The following CCDC158 variants were observed in gnomAD, a reference collection of about 807,000 sequenced individuals.
The protein encoded by CCDC158 is coiled-coil domain containing 158.
Under a neutral mutation model 138.6 loss-of-function variants are expected in CCDC158, and 116 were observed. That is an observed-to-expected ratio of 0.84 (90% CI 0.72 to 0.98). CCDC158 has a LOEUF of 0.98. Ranked by LOEUF, CCDC158 falls within the 50% of genes least tolerant of loss-of-function variation. CCDC158 has a pLI of 0.00. For synonymous variants in CCDC158, 436 were observed against 442.4 expected (o/e 0.99, Z 0.18); for missense variants, 1,265 against 1,306.1 (o/e 0.97, Z 0.48).
intron 9 of CCDC158, among the ~76,000 whole-genome samples, chr4:76,374,811 A>G (rs1725568417): frequency 6.6e-6 from 1 of 152,170 alleles, no homozygotes. Flanking sequence ...TCACTTAAAA[A>G]AAAAAAACTT....
chr4:76,421,452 C>T (rs569255374), upstream of CCDC158, among the ~76,000 whole-genome samples: 54 of 152,212 alleles, frequency 3.5e-4, 1 homozygote, highest in African/African-American at 1.2e-3. Flanking sequence ...GGACCTGCAC[C>T]CGGCGCCCTC....
At chr4:76,345,635 A>AAGC (rs1192806663) in intron 18 of CCDC158, 11 of 813,334 alleles carry the variant, frequency 1.4e-5, no homozygotes, top group African/African-American at 1.2e-4. Context: ...AAAGAAAGCC[A>AAGC]AGCATCACTT....
intron 8 of CCDC158, among the ~76,000 whole-genome samples, chr4:76,381,147 C>G (rs1188801087): frequency 6.6e-6 from 1 of 152,186 alleles, no homozygotes; most frequent in Admixed American, 6.5e-5. Context: ...GGGGTTGGAA[C>G]CCCCACACAG....
At chr4:76,339,538 T>C (rs117934873) in intron 18 of CCDC158, among the ~76,000 whole-genome samples, 1 of 152,388 alleles carries the variant, frequency 6.6e-6, no homozygotes, top group East Asian at 1.9e-4. Context: ...TTGTGCTGTG[T>C]ATTTTTCAGG....
intron 9 of CCDC158, among the ~76,000 whole-genome samples, chr4:76,372,711 A>T (rs1725355550): frequency 6.6e-6 from 1 of 152,240 alleles, no homozygotes; most frequent in Non-Finnish European, 1.5e-5. Flanking sequence ...TTCAACTATT[A>T]ATATAAAATG....
intron 3 of CCDC158, among the ~76,000 whole-genome samples, chr4:76,398,692 T>C (rs10011619): frequency 1.4e-5 from 2 of 142,236 alleles, no homozygotes; most frequent in Admixed American, 1.4e-4. Context: ...AAAGTATACA[T>C]AACTTATGTA....
In CCDC158 at chr4:76,353,044, G is replaced by C. The variant is rs952423608; in HGVS notation, c.2445+79C>G. ...GATACATTCAGTTCCTGTCTACATA[G>C]AGCTTTTGTTCAGAACAATTCTATT... On this transcript the variant is annotated intron_variant, in intron 16 of 24. Coordinates refer to ENST00000682701, the MANE Select transcript of CCDC158 (RefSeq NM_001394954.1). The C allele has an allele frequency of 2.1e-5, 25 of 1,198,072 alleles. No homozygotes were observed. The African/African-American group carries it at 3.7e-4, about 18-fold the overall frequency. The allele number at this position is 1,198,072 out of a possible 1,614,324, so 74.2% of individuals were successfully genotyped here.
At chr4:76,419,156 T>C (rs746119978) in intron 1 of CCDC158, among the ~76,000 whole-genome samples, 4 of 152,178 alleles carry the variant, frequency 2.6e-5, no homozygotes, top group Non-Finnish European at 4.4e-5. Flanking sequence ...TTAATAGGAA[T>C]ACTCTTAAAA....
chr4:76,382,082 C>A (rs577919497), intron 8 of CCDC158, among the ~76,000 whole-genome samples: 2 of 152,338 alleles, frequency 1.3e-5, no homozygotes, highest in African/African-American at 4.8e-5. Context: ...TGGGAGGTAA[C>A]TGGATCATGG....
intron 9 of CCDC158, among the ~76,000 whole-genome samples, chr4:76,372,934 C>T (rs753309159): frequency 2.6e-5 from 4 of 152,132 alleles, no homozygotes; most frequent in Non-Finnish European, 4.4e-5. Context: ...CTGCAACCTC[C>T]GCCTCCTGGG....
chr4:76,366,676 A>G (rs1578987727), intron 12 of CCDC158, among the ~76,000 whole-genome samples: 2 of 150,480 alleles, frequency 1.3e-5, no homozygotes, highest in East Asian at 4.0e-4. Context: ...TAGAATGTGA[A>G]CCAGGTTTTA....
intron 9 of CCDC158, among the ~76,000 whole-genome samples, chr4:76,373,631 C>T (rs1046567553): frequency 6.6e-6 from 1 of 152,114 alleles, no homozygotes; most frequent in Non-Finnish European, 1.5e-5. Flanking sequence ...ACACACATCT[C>T]TCTTTAATAA....
chr4:76,367,340 A>C lies in CCDC158; in HGVS notation c.1784T>G (p.Leu595Arg). The change falls in exon 12 of 25, where the codon CTG (leucine) becomes CGG (arginine). Residue 595 changes from leucine to arginine, a missense_variant. Physicochemically the swap from Leu to Arg is moderately radical, Grantham distance 102 (BLOSUM62 -2). Coordinates refer to ENST00000682701, the MANE Select transcript of CCDC158 (RefSeq NM_001394954.1). ...AGAMQVEKAQ[L>R]EKEINDRRME... ...CCGCCTATCATTAATTTCTTTCTCC[A>C]GTTGAGCTTTTTCTACTTGCATAGC... The C allele has an allele frequency of 6.2e-7, 1 of 1,613,752 alleles. No homozygotes were observed. Among genetic ancestry groups the C allele is most frequent in the Non-Finnish European group, 8.5e-7 (1 of 1,179,718 alleles).
At chr4:76,370,833 T>G (rs544280666) in intron 10 of CCDC158, among the ~76,000 whole-genome samples, 2 of 152,308 alleles carry the variant, frequency 1.3e-5, no homozygotes, top group African/African-American at 4.8e-5. Context: ...CATCAAACCC[T>G]TGTCAGCCTG....
chr4:76,403,092 G>A, intron 3 of CCDC158, 46 bp downstream of exon 3: 3 of 1,327,406 alleles, frequency 2.3e-6, no homozygotes, highest in Non-Finnish European at 3.2e-6. Context: ...TGAATATCAT[G>A]GTTAATTCTA....
chr4:76,421,807 C>T (rs1263644880), upstream of CCDC158: 1 of 152,176 alleles, frequency 6.6e-6, no homozygotes, highest in Admixed American at 6.5e-5. Context: ...CATAGCTGAC[C>T]CTTCTGCCTC....
intron 1 of CCDC158, among the ~76,000 whole-genome samples, chr4:76,416,405 C>T (rs988285888): frequency 1.9e-4 from 29 of 152,180 alleles, no homozygotes; most frequent in East Asian, 5.8e-4. Flanking sequence ...CTCATCTCCG[C>T]ACACGGGGAG....
rs1720088486 is a variant in CCDC158 at position 76,322,228 on chromosome 4, T to G, written c.3277+1074A>C. 2.6e-5 allele frequency among the ~76,000 whole-genome samples: 4 copies of G among 152,258 alleles called. No homozygotes were observed. In the South Asian group the frequency reaches 8.3e-4, roughly 32 times the overall value. On this transcript the variant is annotated intron_variant, in intron 24 of 24. Coordinates refer to ENST00000682701, the MANE Select transcript of CCDC158 (RefSeq NM_001394954.1). ...CTAATGTTCATATACATAGGGGTCT[T>G]GGGTTATCACAGGGACTTGGAATTT...
intron 24 of CCDC158, among the ~76,000 whole-genome samples, chr4:76,319,561 A>C (rs1719813637): frequency 7.0e-6 from 1 of 142,706 alleles, no homozygotes; most frequent in Non-Finnish European, 1.5e-5. Flanking sequence ...TAGCTAACTG[A>C]ATCCAACACC....
Sources: gnomAD v4.1 joint callset for allele counts (sites outside exome capture counted in the v4.1 genomes callset) on GRCh38, gnomAD v4.1.1 for gene constraint, MANE v1.5 for transcripts, NCBI Gene and HGNC (gene_info 2026-07-23, HGNC 2026-07-21) for gene names.